The following CAMK1D variants were observed in gnomAD, a reference collection of about 807,000 sequenced individuals.
CAMK1D encodes the protein calcium/calmodulin dependent protein kinase ID, also known as calcium/calmodulin-dependent protein kinase type 1D.
In CAMK1D, 9 loss-of-function variants were observed where a neutral mutation model predicts 47.7. The ratio of observed to expected loss-of-function variants is 0.19; its 90% CI spans 0.11 to 0.33. The LOEUF (loss-of-function observed/expected upper bound fraction) is 0.33. CAMK1D is among the 10% of genes least tolerant of loss of function. The probability of loss-of-function intolerance (pLI) is 1.00; values close to 1 mark genes in which losing one functional copy is unlikely to be tolerated. For synonymous variants in CAMK1D, 184 were observed against 184.9 expected (o/e 0.99, Z 0.04); for missense variants, 291 against 488.7 (o/e 0.60, Z 3.81).
At chr10:12,772,045 A>G (rs1037766354) in intron 5 of CAMK1D, among the ~76,000 whole-genome samples, 9 of 152,226 alleles carry the variant, frequency 5.9e-5, no homozygotes, top group African/African-American at 1.4e-4. Flanking sequence ...GGAAAAAAAA[A>G]AAAAGCCAGT....
intron 1 of CAMK1D, among the ~76,000 whole-genome samples, chr10:12,398,175 A>T (rs1839031269): frequency 6.6e-6 from 1 of 152,196 alleles, no homozygotes; most frequent in African/African-American, 2.4e-5. Flanking sequence ...AAAGAAGCTC[A>T]TCTTTAACCA....
At chr10:12,810,104 G>A (rs536525050) in intron 6 of CAMK1D, among the ~76,000 whole-genome samples, 1 of 138,776 alleles carries the variant, frequency 7.2e-6, no homozygotes, top group Non-Finnish European at 1.5e-5. Context: ...GGCCAAGATT[G>A]CACCTCTGCA....
At chr10:12,582,643 G>A (rs1228709724) in intron 2 of CAMK1D, among the ~76,000 whole-genome samples, 2 of 152,126 alleles carry the variant, frequency 1.3e-5, no homozygotes, top group Non-Finnish European at 2.9e-5. Context: ...ATTATAAAAG[G>A]GGTTGAGTTC....
At chr10:12,743,859 CT>C (rs1835545220) in intron 3 of CAMK1D, among the ~76,000 whole-genome samples, 2 of 152,100 alleles carry the variant, frequency 1.3e-5, no homozygotes, top group African/African-American at 4.8e-5. Flanking sequence ...CCTGTCTCTA[CT>C]AAAAATACAG....
At chr10:12,584,780 A>G (rs1165513706) in intron 2 of CAMK1D, among the ~76,000 whole-genome samples, 2 of 152,298 alleles carry the variant, frequency 1.3e-5, no homozygotes, top group South Asian at 4.1e-4. Context: ...TGATCATGCT[A>G]CTGCACTCCA....
intron 2 of CAMK1D, among the ~76,000 whole-genome samples, chr10:12,592,233 G>A (rs1838019001): frequency 6.6e-6 from 1 of 152,120 alleles, no homozygotes. Context: ...ATCTCCCAAG[G>A]AGGAAGATGT....
intron 2 of CAMK1D, among the ~76,000 whole-genome samples, chr10:12,607,727 G>T (rs369421613): frequency 6.6e-6 from 1 of 151,982 alleles, no homozygotes; most frequent in East Asian, 1.9e-4. Context: ...CTGGGAGGCC[G>T]CAGTGGGAGG....
At chr10:12,734,103 G>A (rs1423647457) in intron 3 of CAMK1D, among the ~76,000 whole-genome samples, 1 of 151,254 alleles carries the variant, frequency 6.6e-6, no homozygotes, top group African/African-American at 2.4e-5. Context: ...CGAGGCGCGT[G>A]GATCACTTGA....
intron 3 of CAMK1D, among the ~76,000 whole-genome samples, chr10:12,740,693 A>G (rs918666289): frequency 6.6e-6 from 1 of 152,228 alleles, no homozygotes; most frequent in East Asian, 1.9e-4. Context: ...TGAACAAGAC[A>G]CAAATAGCTG....
At chr10:12,551,195 C>T (rs138972876) in intron 1 of CAMK1D, among the ~76,000 whole-genome samples, 346 of 152,328 alleles carry the variant, frequency 2.3e-3, no homozygotes, top group Admixed American at 4.8e-3. Flanking sequence ...CCATTGTTCA[C>T]GTTACCGCCT....
chr10:12,746,065 C>G (rs1835657270), intron 3 of CAMK1D, among the ~76,000 whole-genome samples: 2 of 152,138 alleles, frequency 1.3e-5, no homozygotes, highest in African/African-American at 4.8e-5. Flanking sequence ...TAATATTTGT[C>G]CTGATGCCGA....
At chr10:12,477,296 A>AT (rs1335406406) in intron 1 of CAMK1D, among the ~76,000 whole-genome samples, 5 of 152,138 alleles carry the variant, frequency 3.3e-5, no homozygotes, top group Admixed American at 3.3e-4. Context: ...GACACCTGTA[A>AT]TGCCAGCTAC....
intron 1 of CAMK1D, among the ~76,000 whole-genome samples, chr10:12,491,969 G>T (rs1460632925): frequency 3.3e-5 from 5 of 152,194 alleles, no homozygotes; most frequent in South Asian, 4.1e-4. Flanking sequence ...ATTTTTAGTA[G>T]AGATGGGGTT....
chr10:12,437,164 C>G (rs926569006), intron 1 of CAMK1D, among the ~76,000 whole-genome samples: 2 of 151,108 alleles, frequency 1.3e-5, no homozygotes, highest in Non-Finnish European at 2.9e-5. Context: ...TATCTATCAT[C>G]TATCTGTCCA....
At chr10:12,551,091 G>A (rs932478924) in intron 1 of CAMK1D, among the ~76,000 whole-genome samples, 1 of 152,202 alleles carries the variant, frequency 6.6e-6, no homozygotes, top group Non-Finnish European at 1.5e-5. Context: ...GGCCAATACC[G>A]GTAGGGTATG....
intron 1 of CAMK1D, among the ~76,000 whole-genome samples, chr10:12,537,959 G>A (rs1836031459): frequency 3.3e-5 from 5 of 151,946 alleles, no homozygotes; most frequent in Admixed American, 1.3e-4. Flanking sequence ...AATTAAGCAC[G>A]GCCAAGGCAT....
chr10:12,779,265 C>G (rs181780743), intron 5 of CAMK1D, among the ~76,000 whole-genome samples: 199 of 152,198 alleles, frequency 1.3e-3, no homozygotes, highest in Non-Finnish European at 1.1e-3. Flanking sequence ...AAAGTCAGAG[C>G]TAAGGAAGTT....
chr10:12,806,167 G>C (rs978401758), intron 6 of CAMK1D, among the ~76,000 whole-genome samples: 2 of 152,198 alleles, frequency 1.3e-5, no homozygotes, highest in African/African-American at 4.8e-5. Context: ...GGCTTCCCCT[G>C]ACCAGCTCCA....
intron 1 of CAMK1D, among the ~76,000 whole-genome samples, chr10:12,425,048 G>A (rs1840180940): frequency 6.6e-6 from 1 of 152,096 alleles, no homozygotes; most frequent in Non-Finnish European, 1.5e-5. Context: ...TGCCACCCGA[G>A]TCACATTCTG....
Sources: allele counts gnomAD v4.1 joint callset (sites outside exome capture counted in the v4.1 genomes callset), GRCh38; gene constraint gnomAD v4.1.1; transcripts MANE v1.5; gene names NCBI Gene and HGNC (gene_info 2026-07-23, HGNC 2026-07-21).